The following SHLD1 variants were observed in gnomAD, a reference collection of about 807,000 sequenced individuals.
SHLD1 encodes the protein shieldin complex subunit 1.
SHLD1 carries 3 observed loss-of-function variants against 5.5 expected under a neutral mutation model. The ratio of observed to expected loss-of-function variants is 0.54; its 90% CI spans 0.25 to 1.40. The LOEUF (loss-of-function observed/expected upper bound fraction) is 1.40, where lower values mean the gene tolerates loss of function less well. SHLD1 is among the 40% of genes most tolerant of loss of function. SHLD1 has a pLI of 0.15. For synonymous variants in SHLD1, 92 were observed against 94.3 expected, an observed-to-expected ratio of 0.98 and a Z score of 0.14; for missense variants, 210 against 244.4, an observed-to-expected ratio of 0.86 and a Z score of 0.94.
intron 1 of SHLD1, among the ~76,000 whole-genome samples, chr20:5,771,446 C>G (rs1303984179): frequency 6.6e-6 from 1 of 152,126 alleles, no homozygotes; most frequent in African/African-American, 2.4e-5. Context: ...CAGTAAATGG[C>G]TTGGTGTCAC....
intron 2 of SHLD1, among the ~76,000 whole-genome samples, chr20:5,821,933 A>G (rs1055570938): frequency 4.6e-5 from 7 of 152,116 alleles, no homozygotes; most frequent in Admixed American, 3.3e-4. Flanking sequence ...ATGATGGGCC[A>G]TCTCCTCTGC....
At chr20:5,849,965 CA>C (rs752647466) in intron 2 of SHLD1, among the ~76,000 whole-genome samples, 649 of 50,242 alleles carry the variant, frequency 0.013, 7 homozygotes, top group East Asian at 0.058. Flanking sequence ...GACTCCGTCT[CA>C]AAAAAAAAAA....
chr20:5,802,815 C>G (rs2087313391), intron 2 of SHLD1, among the ~76,000 whole-genome samples: 1 of 151,936 alleles, frequency 6.6e-6, no homozygotes, highest in Non-Finnish European at 1.5e-5. Flanking sequence ...CCCAGTGTCT[C>G]AAGCAATTCA....
rs1188242016 is a variant in SHLD1, at chr20:5,855,909, A to C, written c.179-7115A>C. On this transcript the variant is annotated intron_variant, in intron 2 of 2. Coordinates refer to ENST00000303142, the MANE Select transcript of SHLD1 (RefSeq NM_152504.4). This position sits in a 1 kb window ranked among gnomAD's most constrained non-coding sequence, Gnocchi z 4.4. ...CGTTAGCCAGTGAAATATGAACAGA[A>C]GTAATAGAGCTGTCCCAGTCACTGC... 6.6e-6 allele frequency among the ~76,000 whole-genome samples: 1 copy of C among 152,198 alleles called. No homozygotes were observed. Among genetic ancestry groups the C allele is most frequent in the African/African-American group, 2.4e-5 (1 of 41,440 alleles).
intron 2 of SHLD1, among the ~76,000 whole-genome samples, chr20:5,846,981 T>G (rs1415773615): frequency 6.6e-6 from 1 of 152,232 alleles, no homozygotes. Context: ...TCCTAAATTT[T>G]TATTATCTGA....
In SHLD1 at chr20:5,767,002, C is replaced by T. The variant is rs548414081; in HGVS notation, c.-4-5860C>T. ...ATAGGATGCCATAATTTGGATATTGCCTCCTCTGAAAACTGTTTCTTTTCC... is the reference window on the plus strand; with the variant it reads ...ATAGGATGCCATAATTTGGATATTGTCTCCTCTGAAAACTGTTTCTTTTCC... On this transcript the variant is annotated intron_variant, in intron 1 of 2. Transcript: ENST00000303142. 1.6e-4 allele frequency among the ~76,000 whole-genome samples: 24 copies of T among 152,266 alleles called. No homozygotes were observed. The East Asian group carries it at 4.2e-3, about 27-fold the overall frequency.
intron 2 of SHLD1, among the ~76,000 whole-genome samples, chr20:5,782,941 G>A (rs2087006278): frequency 6.6e-6 from 1 of 152,114 alleles, no homozygotes; most frequent in African/African-American, 2.4e-5. Flanking sequence ...GTATATTTTA[G>A]ATATATACAT....
At position 5,750,433 on chromosome 20, in the gene SHLD1, GC is replaced by G. The variant is rs1486367095; in HGVS notation, c.-50del. The G allele has an allele frequency of 6.7e-6, 1 of 148,568 alleles. No homozygotes were observed. Among genetic ancestry groups the G allele is most frequent in the Non-Finnish European group, 1.5e-5 (1 of 67,590 alleles). 9.2% of individuals were successfully genotyped at this position (148,568 alleles called of 1,614,324 possible). A position where few individuals can be genotyped will look rare whatever the true frequency, so the allele number is the denominator to read the frequency against. ...TTGCGGATGGTGAGTGTGTCGGGGG[GC>G]TTGGCGGCTTTTCTCCTCAGTTTTC... On this transcript the variant is annotated 5_prime_UTR_variant, in exon 1 of 3. Coordinates refer to ENST00000303142, the MANE Select transcript of SHLD1 (RefSeq NM_152504.4).
chr20:5,844,799 A>ATAT (rs1460082835), intron 2 of SHLD1, among the ~76,000 whole-genome samples: 86 of 71,710 alleles, frequency 1.2e-3, no homozygotes, highest in Middle Eastern at 7.7e-3. Context: ...ATATATATAT[A>ATAT]TTTTTTTTTT....
chr20:5,807,165 T>C (rs2087389805), intron 2 of SHLD1, among the ~76,000 whole-genome samples: 2 of 152,116 alleles, frequency 1.3e-5, no homozygotes, highest in Admixed American at 6.5e-5. Flanking sequence ...TGATTCAAAA[T>C]TGGCACAATT....
At chr20:5,848,812 C>T (rs1213631059) in intron 2 of SHLD1, among the ~76,000 whole-genome samples, 1 of 152,026 alleles carries the variant, frequency 6.6e-6, no homozygotes, top group African/African-American at 2.4e-5. Flanking sequence ...CATTTTATTC[C>T]TCCGTGGTGG....
intron 2 of SHLD1, among the ~76,000 whole-genome samples, chr20:5,783,480 T>C (rs916631180): frequency 3.3e-5 from 5 of 152,134 alleles, no homozygotes; most frequent in African/African-American, 1.2e-4. Context: ...TACCTTGGCC[T>C]CCCAAAGTGC....
At chr20:5,853,212 G>A (rs879417641) in intron 2 of SHLD1, among the ~76,000 whole-genome samples, 12 of 152,042 alleles carry the variant, frequency 7.9e-5, no homozygotes, top group East Asian at 3.9e-4. Flanking sequence ...ACAAATGGTC[G>A]GGCATGGTGG....
At chr20:5,752,187 G>A (rs1161506515) in intron 1 of SHLD1, among the ~76,000 whole-genome samples, 1 of 152,080 alleles carries the variant, frequency 6.6e-6, no homozygotes, top group African/African-American at 2.4e-5. Context: ...CTTGAGGTCA[G>A]GAGTTCAAGA....
chr20:5,772,023 C>T (rs140876696), intron 1 of SHLD1: 1 of 416,996 alleles, frequency 2.4e-6, no homozygotes, highest in Non-Finnish European at 4.7e-6. Context: ...TACAGGCACC[C>T]ACCACCAAGC....
chr20:5,774,038 T>A (rs1985312964), intron 2 of SHLD1, among the ~76,000 whole-genome samples: 1 of 152,048 alleles, frequency 6.6e-6, no homozygotes, highest in Non-Finnish European at 1.5e-5. Flanking sequence ...ACCCTGTCTC[T>A]ACTAAAAATA....
intron 2 of SHLD1, among the ~76,000 whole-genome samples, chr20:5,787,328 G>T (rs767194988): frequency 2.0e-5 from 3 of 152,178 alleles, no homozygotes; most frequent in Non-Finnish European, 2.9e-5. Flanking sequence ...TTTCTACCCA[G>T]AAGAAATTTT....
At chr20:5,857,163 A>G (rs1187733977) in intron 2 of SHLD1, among the ~76,000 whole-genome samples, 3 of 152,038 alleles carry the variant, frequency 2.0e-5, no homozygotes, top group Non-Finnish European at 4.4e-5. Flanking sequence ...TTTAGTAGAG[A>G]CGGGGTTTCG....
intron 2 of SHLD1, among the ~76,000 whole-genome samples, chr20:5,778,619 A>T (rs527909278): frequency 8.2e-4 from 125 of 151,750 alleles, no homozygotes; most frequent in South Asian, 4.8e-3. Flanking sequence ...AAAAAAAAAA[A>T]AATAAGGACC....
Sources: gnomAD v4.1 joint callset for allele counts (sites outside exome capture counted in the v4.1 genomes callset) on GRCh38, gnomAD v4.1.1 for gene constraint, Gnocchi (gnomAD v3.1) non-coding constraint, MANE v1.5 for transcripts, NCBI Gene and HGNC (gene_info 2026-07-23, HGNC 2026-07-21) for gene names.